The following CERT1 variants were observed in gnomAD, a reference collection of about 807,000 sequenced individuals.
CERT1 encodes ceramide transporter 1, also known as ceramide transfer protein.
In CERT1, 31 loss-of-function variants were observed where a neutral mutation model predicts 87.9. The ratio of observed to expected loss-of-function variants is 0.35; its 90% CI spans 0.27 to 0.48. The LOEUF is 0.48. Ranked by LOEUF, CERT1 falls within the 20% of genes least tolerant of loss-of-function variation. The pLI, the probability that CERT1 is intolerant of heterozygous loss-of-function variation, is 0.99. For synonymous variants in CERT1, 289 were observed against 250.9 expected (o/e 1.15, Z -1.44); for missense variants, 487 against 758.0 (o/e 0.64, Z 4.20).
chr5:75,394,640 G>C (rs773814822), intron 11 of CERT1, among the ~76,000 whole-genome samples: 2 of 152,110 alleles, frequency 1.3e-5, no homozygotes, highest in Non-Finnish European at 2.9e-5. Context: ...CAGGTGGATC[G>C]CTTGAGTCCA....
chr5:75,425,329 C>T (rs371671116), intron 5 of CERT1, 32 bp downstream of exon 5: 5 of 1,591,822 alleles, frequency 3.1e-6, no homozygotes, highest in African/African-American at 1.3e-5. Flanking sequence ...ATTCATTCTC[C>T]AAGTAAAAAT....
intron 2 of CERT1, among the ~76,000 whole-genome samples, chr5:75,478,096 TGAA>T (rs1476743560): frequency 5.9e-5 from 9 of 152,162 alleles, no homozygotes; most frequent in African/African-American, 2.2e-4. Context: ...GCAGATCACC[TGAA>T]GTCAGGAGTT....
chr5:75,374,745 G>A (rs935298700), downstream of CERT1: 38 of 568,054 alleles, frequency 6.7e-5, no homozygotes, highest in African/African-American at 6.7e-4. Flanking sequence ...GAGAAGGATC[G>A]AACACCTCCA....
At chr5:75,469,486 CA>C (rs1216066549) in intron 2 of CERT1, among the ~76,000 whole-genome samples, 5 of 151,762 alleles carry the variant, frequency 3.3e-5, no homozygotes, top group African/African-American at 1.2e-4. Flanking sequence ...ATCAAAAATT[CA>C]AAACACTGAG....
intron 3 of CERT1, among the ~76,000 whole-genome samples, chr5:75,457,238 T>C (rs1765021854): frequency 6.6e-6 from 1 of 152,222 alleles, no homozygotes; most frequent in Non-Finnish European, 1.5e-5. Flanking sequence ...CTCTTGCTTT[T>C]CCTATATGCC....
chr5:75,477,130 T>G (rs1009022117), intron 2 of CERT1, among the ~76,000 whole-genome samples: 1 of 152,172 alleles, frequency 6.6e-6, no homozygotes, highest in Non-Finnish European at 1.5e-5. Flanking sequence ...AGATGGAAAC[T>G]TTGGAATCTT....
chr5:75,465,348 T>C (rs531146570), intron 2 of CERT1, among the ~76,000 whole-genome samples: 8 of 152,308 alleles, frequency 5.3e-5, no homozygotes, highest in African/African-American at 1.7e-4. Flanking sequence ...TGCCAAACAC[T>C]TGTGAGGCTG....
At chr5:75,433,026 C>T (rs1256049874) in intron 3 of CERT1, among the ~76,000 whole-genome samples, 1 of 152,130 alleles carries the variant, frequency 6.6e-6, no homozygotes, top group Non-Finnish European at 1.5e-5. Flanking sequence ...GGCTTTATTT[C>T]TGGGTTATCT....
intron 2 of CERT1, among the ~76,000 whole-genome samples, chr5:75,471,850 CA>C (rs1462076245): frequency 6.6e-6 from 1 of 151,816 alleles, no homozygotes; most frequent in East Asian, 1.9e-4. Context: ...CTACACTACC[CA>C]AAGCAATCTA....
chr5:75,413,301 C>A (rs1763006101), intron 7 of CERT1, among the ~76,000 whole-genome samples: 1 of 152,132 alleles, frequency 6.6e-6, no homozygotes. Flanking sequence ...TGGCTAAAGT[C>A]TAAACTGAAC....
intron 7 of CERT1, among the ~76,000 whole-genome samples, chr5:75,415,867 G>A (rs1171879929): frequency 1.3e-5 from 2 of 151,924 alleles, no homozygotes. Context: ...GCTCCAGAAT[G>A]ATAATAAATT....
At chr5:75,465,352 G>T (rs909642415) in intron 2 of CERT1, among the ~76,000 whole-genome samples, 2 of 152,142 alleles carry the variant, frequency 1.3e-5, no homozygotes, top group African/African-American at 4.8e-5. Flanking sequence ...AAACACTTGT[G>T]AGGCTGAAGA....
intron 9 of CERT1, 176 bp from the exon 10 acceptor site, chr5:75,400,473 T>C (rs1366093376): frequency 1.9e-6 from 1 of 528,430 alleles, no homozygotes; most frequent in Non-Finnish European, 3.4e-6. Flanking sequence ...TTGCCTCAGA[T>C]ATCCCAATTT....
chr5:75,451,933 CT>C (rs1162659279), intron 3 of CERT1, among the ~76,000 whole-genome samples: 3 of 152,126 alleles, frequency 2.0e-5, no homozygotes, highest in African/African-American at 7.2e-5. Context: ...CTAAATGGGT[CT>C]TGAGCTTCAC....
At chr5:75,431,882 T>C (rs923679930) in intron 3 of CERT1, among the ~76,000 whole-genome samples, 6 of 152,194 alleles carry the variant, frequency 3.9e-5, no homozygotes, top group African/African-American at 1.4e-4. Flanking sequence ...AACATACACA[T>C]GCATGTGGTC....
At chr5:75,442,246 G>GCATTTCTTGCTTA (rs1373429125) in intron 3 of CERT1, among the ~76,000 whole-genome samples, 2 of 152,152 alleles carry the variant, frequency 1.3e-5, no homozygotes, top group African/African-American at 4.8e-5. Context: ...TTTCACTTCA[G>GCATTTCTTGCTTA]AGGACTCCCT....
intron 17 of CERT1, chr5:75,370,499 C>T (rs1469891069): frequency 6.6e-6 from 1 of 152,234 alleles, no homozygotes; most frequent in African/African-American, 2.4e-5. Flanking sequence ...TATGGCTTCT[C>T]TACCAATCTT....
At chr5:75,495,920 T>A (rs1252059753) in intron 2 of CERT1, among the ~76,000 whole-genome samples, 1 of 148,518 alleles carries the variant, frequency 6.7e-6, no homozygotes, top group Admixed American at 6.7e-5. Context: ...TAAAGTATAA[T>A]AAAAAAATTA....
intron 7 of CERT1, among the ~76,000 whole-genome samples, chr5:75,413,729 C>T (rs547421732): frequency 1.0e-3 from 152 of 151,900 alleles, no homozygotes; most frequent in Non-Finnish European, 1.6e-3. Flanking sequence ...GAGTGAACAA[C>T]ATCAACAACA....
Sources: allele counts gnomAD v4.1 joint callset (sites outside exome capture counted in the v4.1 genomes callset), GRCh38; gene constraint gnomAD v4.1.1; transcripts MANE v1.5; gene names NCBI Gene and HGNC (gene_info 2026-07-23, HGNC 2026-07-21).